Variants in SHISA5 observed in about 807,000 individuals in gnomAD.
The protein encoded by SHISA5 is shisa family member 5.
A neutral mutation model predicts 27.5 loss-of-function variants in SHISA5; 21 were observed. The observed-to-expected ratio is 0.76, with a 90% CI of 0.54 to 1.10. The LOEUF is 1.10. Among genes scored for constraint, SHISA5 ranks in the 50% least tolerant of loss-of-function variants. SHISA5 has a pLI of 0.00. For synonymous variants in SHISA5, 137 were observed against 142.2 expected, an observed-to-expected ratio of 0.96 and a Z score of 0.26; for missense variants, 314 against 336.3, an observed-to-expected ratio of 0.93 and a Z score of 0.52.
chr3:48,486,453 T>C (rs55809386), intron 2 of SHISA5, among the ~76,000 whole-genome samples: 51 of 105,186 alleles, frequency 4.8e-4, no homozygotes, highest in Non-Finnish European at 8.6e-4. Context: ...ATATTATATA[T>C]TATATATTTA....
intron 3 of SHISA5, among the ~76,000 whole-genome samples, chr3:48,472,525 T>A (rs1030870994): frequency 2.0e-5 from 3 of 152,118 alleles, no homozygotes; most frequent in Non-Finnish European, 2.9e-5. Flanking sequence ...AAGTTTTTTT[T>A]AAAAGGTGTC....
chr3:48,483,585 T>G (rs1274404722), intron 2 of SHISA5, among the ~76,000 whole-genome samples: 2 of 152,144 alleles, frequency 1.3e-5, no homozygotes, highest in East Asian at 1.9e-4. Flanking sequence ...CCTTGGCCCG[T>G]TCTCAATGAG....
At chr3:48,503,714 A>G (rs1575337815) in intron 1 of SHISA5, 19 of 1,179,680 alleles carry the variant, frequency 1.6e-5, no homozygotes, top group Admixed American at 4.3e-5. Context: ...CAGGCAGGGA[A>G]CCCTACCCTA....
Position 48,504,071 on chromosome 3 carries a change from C to T in SHISA5, c.24G>A (p.Pro8=). The change falls in exon 1 of 6, where the codon CCG becomes CCA. Residue 8 remains proline, a synonymous_variant. Transcript: ENST00000296444. The surrounding 1 kb of genome is among the most constrained non-coding windows in gnomAD (Gnocchi z 4.0). ...GCAACAGCAACGGCAACAGGATCCG[C>T]GGCGCGGGGACCGGCGCAGTCATGG... is the stretch of plus-strand genomic sequence containing the variant. MTAPVPA[P]RILLPLLLLL... 1 of 1,416,242 alleles carries T rather than the reference C, an allele frequency of 7.1e-7. No homozygotes were observed. The highest frequency in any genetic ancestry group is 9.3e-7 in the Non-Finnish European group (1 of 1,078,572). 87.7% of individuals were successfully genotyped at this position (1,416,242 alleles called of 1,614,324 possible).
intron 2 of SHISA5, among the ~76,000 whole-genome samples, chr3:48,490,958 C>G (rs1321285189): frequency 1.3e-5 from 2 of 152,160 alleles, no homozygotes; most frequent in Non-Finnish European, 2.9e-5. Flanking sequence ...CAATCTTTAT[C>G]TTAATCTGAA....
chr3:48,503,710 G>A (rs957778863), intron 1 of SHISA5: 56 of 1,183,924 alleles, frequency 4.7e-5, no homozygotes, highest in Non-Finnish European at 5.8e-5. Context: ...AAGCCAGGCA[G>A]GGAACCCTAC....
At chr3:48,498,854 G>A (rs2041660509) in intron 2 of SHISA5, among the ~76,000 whole-genome samples, 1 of 151,932 alleles carries the variant, frequency 6.6e-6, no homozygotes, top group Non-Finnish European at 1.5e-5. Context: ...GGCCGAGGCA[G>A]GAGGATCACC....
chr3:48,489,768 C>T (rs1425354565), intron 2 of SHISA5, among the ~76,000 whole-genome samples: 2 of 150,946 alleles, frequency 1.3e-5, no homozygotes, highest in Admixed American at 1.3e-4. Flanking sequence ...GCTGGGGCTA[C>T]AAGTGCATGC....
At chr3:48,502,996 A>C (rs1421182975) in intron 1 of SHISA5, 1 of 728,420 alleles carries the variant, frequency 1.4e-6, no homozygotes, top group Non-Finnish European at 2.0e-6. Flanking sequence ...GTTGGGGGGA[A>C]CTGCACTTCT....
In SHISA5 at chr3:48,501,203, TATTGGTCATC is replaced by T; in HGVS notation, c.157_166del (p.Asp53ThrfsTer7). The T allele has an allele frequency of 3.7e-6, 6 of 1,614,054 alleles. No individual in the cohort carries two copies. Among genetic ancestry groups the T allele is most frequent in the Non-Finnish European group, 5.1e-6 (6 of 1,179,992 alleles). On this transcript the variant is annotated frameshift_variant, in exon 2 of 6. Coordinates refer to ENST00000296444, the MANE Select transcript of SHISA5 (RefSeq NM_016479.6). LOFTEE classifies it high-confidence loss of function. ...TTTCTTCAGCACGTCAGAGCAGCAG[TATTGGTCATC>T]ACAGGTACCACAGCAGAAATCTGGA...
chr3:48,481,568 A>C (rs1268681193), intron 2 of SHISA5, among the ~76,000 whole-genome samples: 1 of 152,056 alleles, frequency 6.6e-6, no homozygotes, highest in African/African-American at 2.4e-5. Context: ...AGGAGGGCGG[A>C]TCATGAGATC....
intron 3 of SHISA5, among the ~76,000 whole-genome samples, chr3:48,472,682 G>A (rs2040678439): frequency 6.6e-6 from 1 of 151,972 alleles, no homozygotes; most frequent in Non-Finnish European, 1.5e-5. Flanking sequence ...GGAGGGTGTG[G>A]GTCCCACCCT....
At chr3:48,495,853 A>C (rs2041534161) in intron 2 of SHISA5, among the ~76,000 whole-genome samples, 2 of 147,508 alleles carry the variant, frequency 1.4e-5, no homozygotes, top group Non-Finnish European at 2.9e-5. Context: ...ATAAACAATT[A>C]GAAAATAAAA....
Position 48,469,319 on chromosome 3 carries a change from C to T in SHISA5, c.643+42G>A, listed in dbSNP as rs1369530323. ...GGTGCCCGAGGGATGCTGGCAGAGA[C>T]TCGGGAAGTCGGGCAGGGCTAGAGT... is the stretch of plus-strand genomic sequence containing the variant. On this transcript the variant is annotated intron_variant, in intron 5 of 5. Transcript: ENST00000296444. The surrounding 1 kb of genome is among the most constrained non-coding windows in gnomAD (Gnocchi z 4.6). 6.4e-7 allele frequency: 1 copy of T among 1,566,356 alleles called. No homozygotes were observed. Among genetic ancestry groups the T allele is most frequent in the Non-Finnish European group, 8.7e-7 (1 of 1,153,948 alleles).
intron 3 of SHISA5, among the ~76,000 whole-genome samples, chr3:48,472,356 C>T (rs959106445): frequency 1.5e-4 from 22 of 151,424 alleles, no homozygotes; most frequent in Non-Finnish European, 3.2e-4. Context: ...ATTAGCCGGG[C>T]GTGGTGGCAC....
In SHISA5 at chr3:48,469,895, C is replaced by G. The variant is rs759383511; in HGVS notation, c.315-52G>C. On this transcript the variant is annotated intron_variant, in intron 3 of 5. Coordinates refer to ENST00000296444, the MANE Select transcript of SHISA5 (RefSeq NM_016479.6). This position sits in a 1 kb window ranked among gnomAD's most constrained non-coding sequence, Gnocchi z 4.6. ...GGCACCTCGCCCCTCCCCAGACCAGCATCCACACCTTCCCAAGGCATGCCC... is the reference window on the plus strand; with the variant it reads ...GGCACCTCGCCCCTCCCCAGACCAGGATCCACACCTTCCCAAGGCATGCCC... 3.2e-6 allele frequency: 5 copies of G among 1,579,386 alleles called. No individual in the cohort carries two copies. The South Asian group carries it at 5.7e-5, about 18-fold the overall frequency.
At chr3:48,503,611 C>G in intron 1 of SHISA5, 2 of 732,150 alleles carry the variant, frequency 2.7e-6, no homozygotes, top group Middle Eastern at 6.5e-4. Flanking sequence ...ACGGAGGCAG[C>G]GGTGGGGGCT....
chr3:48,488,241 CTT>C (rs1207569528), intron 2 of SHISA5, among the ~76,000 whole-genome samples: 4 of 111,836 alleles, frequency 3.6e-5, no homozygotes, highest in African/African-American at 6.8e-5. Flanking sequence ...CTCTTGACTG[CTT>C]TTTTTTTTTT....
At chr3:48,477,095 T>C in intron 3 of SHISA5, 3 of 419,704 alleles carry the variant, frequency 7.1e-6, no homozygotes, top group South Asian at 5.0e-5. Flanking sequence ...CTCAAATCTA[T>C]AACATTGAGA....
Sources: allele counts gnomAD v4.1 joint callset (sites outside exome capture counted in the v4.1 genomes callset), GRCh38; gene constraint gnomAD v4.1.1; non-coding constraint Gnocchi (gnomAD v3.1); transcripts MANE v1.5; gene names NCBI Gene and HGNC (gene_info 2026-07-23, HGNC 2026-07-21).